TICAM2: variants seen among roughly 807,000 people sequenced by gnomAD.
TICAM2 encodes the protein TIR domain-containing adapter molecule 2.
In TICAM2, 8 loss-of-function variants were observed where a neutral mutation model predicts 7.3. That is an observed-to-expected ratio of 1.10 (90% CI 0.65 to 1.99). The LOEUF is 1.99. Among genes scored for constraint, TICAM2 ranks in the 30% most tolerant of loss-of-function variants. TICAM2 has a pLI of 0.00. For missense variants in TICAM2, 304 were observed against 278.8 expected, an observed-to-expected ratio of 1.09 and a Z score of -0.65; for synonymous variants, 113 against 99.6, an observed-to-expected ratio of 1.13 and a Z score of -0.80.
intron 1 of TICAM2, among the ~76,000 whole-genome samples, chr5:115,597,196 G>A (rs1183664248): frequency 6.6e-6 from 1 of 152,164 alleles, no homozygotes; most frequent in Non-Finnish European, 1.5e-5. Flanking sequence ...GCCCATTTCT[G>A]AATAAATATT....
chr5:115,581,485 C>T (rs943562627), intron 1 of TICAM2, among the ~76,000 whole-genome samples, 170 bp from the exon 2 acceptor site: 1 of 152,068 alleles, frequency 6.6e-6, no homozygotes, highest in African/African-American at 2.4e-5. Flanking sequence ...GTGAGCTTTA[C>T]AAGGGCTATC....
At chr5:115,599,306 C>T (rs760686909) in intron 1 of TICAM2, among the ~76,000 whole-genome samples, 30 of 152,080 alleles carry the variant, frequency 2.0e-4, no homozygotes, top group Middle Eastern at 3.4e-3. Flanking sequence ...AAGTAACTGC[C>T]CCCCACCAAA....
chr5:115,580,292 T>C lies in TICAM2; in HGVS notation c.*257A>G. On this transcript the variant is annotated 3_prime_UTR_variant, in exon 2 of 2. Coordinates refer to ENST00000427199, the MANE Select transcript of TICAM2 (RefSeq NM_021649.7). ...ACAAGGAATATGGATTGAGAATTCC[T>C]TTTTCATATCCATGAACTAGGAAAA... is the stretch of plus-strand genomic sequence containing the variant. 2.6e-6 allele frequency: 1 copy of C among 388,378 alleles called. No individual in the cohort carries two copies. Among genetic ancestry groups the C allele is most frequent in the Non-Finnish European group, 4.4e-6 (1 of 229,470 alleles). The allele number at this position is 388,378 out of a possible 1,614,324, so 24.1% of individuals were successfully genotyped here. A position where few individuals can be genotyped will look rare whatever the true frequency, so the allele number is the denominator to read the frequency against.
chr5:115,594,840 A>G (rs1397421819), intron 1 of TICAM2, among the ~76,000 whole-genome samples: 1 of 152,192 alleles, frequency 6.6e-6, no homozygotes, highest in African/African-American at 2.4e-5. Flanking sequence ...CTGACTTACA[A>G]TTGGATGAAC....
At chr5:115,596,289 C>T (rs1387722306) in intron 1 of TICAM2, among the ~76,000 whole-genome samples, 2 of 152,226 alleles carry the variant, frequency 1.3e-5, no homozygotes, top group African/African-American at 2.4e-5. Flanking sequence ...CTCCACTCAA[C>T]AGCCAGGATG....
intron 1 of TICAM2, among the ~76,000 whole-genome samples, chr5:115,583,556 T>C (rs1245506496): frequency 6.6e-6 from 1 of 152,194 alleles, no homozygotes; most frequent in Admixed American, 6.5e-5. Context: ...TGGCAATGTC[T>C]ATAAAACTTT....
intron 1 of TICAM2, among the ~76,000 whole-genome samples, chr5:115,594,778 T>C (rs1755443682): frequency 1.3e-5 from 2 of 152,066 alleles, no homozygotes; most frequent in Admixed American, 6.5e-5. Flanking sequence ...TTGGTGAAAA[T>C]CCTTTGGCAT....
At chr5:115,592,453 A>T (rs561157554) in intron 1 of TICAM2, among the ~76,000 whole-genome samples, 1 of 152,298 alleles carries the variant, frequency 6.6e-6, no homozygotes, top group African/African-American at 2.4e-5. Flanking sequence ...TCATCCCATC[A>T]CCTAGGTATT....
At chr5:115,601,267 A>C (rs1029645264) in intron 1 of TICAM2, among the ~76,000 whole-genome samples, 1 of 152,234 alleles carries the variant, frequency 6.6e-6, no homozygotes, top group Non-Finnish European at 1.5e-5. Context: ...ATAAAATTAA[A>C]TTAAACAATA....
chr5:115,597,946 G>A (rs1042155889), intron 1 of TICAM2, among the ~76,000 whole-genome samples: 4 of 152,136 alleles, frequency 2.6e-5, no homozygotes, highest in African/African-American at 9.7e-5. Flanking sequence ...TTGATCCTCT[G>A]TGAATGGTAT....
Position 115,580,933 on chromosome 5 carries a change from G to A in TICAM2, c.324C>T (p.Pro108=), listed in dbSNP as rs377230672. Residue 108 remains proline, a synonymous_variant, in exon 2 of 2, where the codon CCC becomes CCT. Transcript: ENST00000427199. ...ATGGCATCTCAGCAAAGATTATTCC[G>A]GGTTTGATACCAAAGTCATCTTGTA... The part of the protein sequence containing the change: ...NLLQDDFGIK[P]GIIFAEMPCG... 1.1e-5 allele frequency: 17 copies of A among 1,613,580 alleles called. No homozygotes were observed. The African/African-American group carries it at 1.1e-4, about 10-fold the overall frequency.
intron 1 of TICAM2, among the ~76,000 whole-genome samples, chr5:115,585,211 T>C (rs925542888): frequency 3.3e-5 from 5 of 152,248 alleles, no homozygotes; most frequent in African/African-American, 4.8e-5. Flanking sequence ...GCTGGGCACA[T>C]AGTAAGTACT....
intron 1 of TICAM2, among the ~76,000 whole-genome samples, chr5:115,590,595 C>A (rs1211526375): frequency 1.3e-5 from 2 of 152,204 alleles, no homozygotes; most frequent in South Asian, 2.1e-4. Context: ...TATTACCCAT[C>A]CATATCCTAT....
intron 1 of TICAM2, among the ~76,000 whole-genome samples, chr5:115,595,535 C>A (rs971070391): frequency 6.6e-6 from 1 of 152,216 alleles, no homozygotes; most frequent in Non-Finnish European, 1.5e-5. Flanking sequence ...CCTCCAGTCT[C>A]TTTCCCTTTA....
chr5:115,582,259 C>T (rs1203683991), intron 1 of TICAM2, among the ~76,000 whole-genome samples: 4 of 151,888 alleles, frequency 2.6e-5, no homozygotes, highest in Non-Finnish European at 5.9e-5. Flanking sequence ...CAGGCTCAAG[C>T]CATACTCCCA....
At chr5:115,592,501 C>G (rs1014932114) in intron 1 of TICAM2, among the ~76,000 whole-genome samples, 3 of 152,112 alleles carry the variant, frequency 2.0e-5, no homozygotes, top group Non-Finnish European at 4.4e-5. Flanking sequence ...CTAACCCTCT[C>G]TCTCAATTAT....
At position 115,581,250 on chromosome 5, in the gene TICAM2, T is replaced by C; in HGVS notation, c.7A>G (p.Ile3Val). Residue 3 changes from isoleucine to valine, a missense_variant, in exon 2 of 2, where the codon ATC becomes GTC. Coordinates refer to ENST00000427199, the MANE Select transcript of TICAM2 (RefSeq NM_021649.7). Reference protein sequence around the residue: MGIGKSKINSCPL... With the variant: MGVGKSKINSCPL... ...CAGGAATTTATTTTAGACTTCCCGA[T>C]ACCCATTATAAATATCCAAGGCAGA... is the stretch of plus-strand genomic sequence containing the variant. The C allele has an allele frequency of 6.2e-7, 1 of 1,606,444 alleles. No homozygotes were observed. Among genetic ancestry groups the C allele is most frequent in the African/African-American group, 1.3e-5 (1 of 75,060 alleles).
At chr5:115,589,891 GAT>G (rs1268162297) in intron 1 of TICAM2, among the ~76,000 whole-genome samples, 1 of 152,198 alleles carries the variant, frequency 6.6e-6, no homozygotes, top group Non-Finnish European at 1.5e-5. Flanking sequence ...TAGCTCCAAA[GAT>G]ATGACAGAAT....
rs901225989 is a variant in TICAM2, at chr5:115,579,819, A to C, written c.*730T>G. On this transcript the variant is annotated 3_prime_UTR_variant, in exon 2 of 2. Transcript: ENST00000427199. ...TTATACGCCTTTTAGAAGCTCTGCA[A>C]ATAAAGCCATAGTTACAAATGATGA... 6.6e-6 allele frequency: 1 copy of C among 152,206 alleles called. No individual in the cohort carries two copies. The highest frequency in any genetic ancestry group is 1.5e-5 in the Non-Finnish European group (1 of 68,038). The allele number at this position is 152,206 out of a possible 1,614,324, so 9.4% of individuals were successfully genotyped here.
Sources: gnomAD v4.1 joint callset for allele counts (sites outside exome capture counted in the v4.1 genomes callset) on GRCh38, gnomAD v4.1.1 for gene constraint, MANE v1.5 for transcripts, NCBI Gene and HGNC (gene_info 2026-07-23, HGNC 2026-07-21) for gene names.